TRIM14: variants seen among roughly 807,000 people sequenced by gnomAD.
TRIM14 encodes tripartite motif containing 14.
In TRIM14, 28 loss-of-function variants were observed where a neutral mutation model predicts 44.5. That is an observed-to-expected ratio of 0.63 (90% CI 0.47 to 0.86). TRIM14 has a LOEUF of 0.86. Among genes scored for constraint, TRIM14 ranks in the 40% least tolerant of loss-of-function variants. The pLI, the probability that TRIM14 is intolerant of heterozygous loss-of-function variation, is 0.00. For missense variants in TRIM14, 607 were observed against 611.1 expected (o/e 0.99, Z 0.07); for synonymous variants, 299 against 269.2 (o/e 1.11, Z -1.08).
In TRIM14 at chr9:98,084,399, T is replaced by G. The variant is rs1208525570; in HGVS notation, c.*3071A>C. On this transcript the variant is annotated 3_prime_UTR_variant, in exon 6 of 6. Coordinates refer to ENST00000341469, the MANE Select transcript of TRIM14 (RefSeq NM_014788.4). ...TTTTATTAAACCAAATATTAGAAAA[T>G]TGCTGTCATTTAAAAATATCTGCAA... 2.0e-5 allele frequency: 3 copies of G among 152,134 alleles called. No homozygotes were observed. The highest frequency in any genetic ancestry group is 4.4e-5 in the Non-Finnish European group (3 of 68,026). The allele number at this position is 152,134 out of a possible 1,614,324, so 9.4% of individuals were successfully genotyped here. A position where few individuals can be genotyped will look rare whatever the true frequency, so the allele number is the denominator to read the frequency against.
rs186152642 is a variant in TRIM14 at position 98,105,243 on chromosome 9, G to T, written c.303+4646C>A. On this transcript the variant is annotated intron_variant, in intron 2 of 5. Transcript: ENST00000341469. Reference sequence around the variant, plus strand: ...TGAGGCTCCTTATTCCACCCGCAGGGGTTCTGGGTCTGGTGCCAGGCTGGG... The same window carrying T: ...TGAGGCTCCTTATTCCACCCGCAGGTGTTCTGGGTCTGGTGCCAGGCTGGG... Among the ~76,000 whole-genome samples the T allele has an allele frequency of 3.9e-5, 6 of 152,330 alleles. No homozygotes were observed. The East Asian group carries it at 5.8e-4, about 15-fold the overall frequency.
chr9:98,078,705 C>T (rs1321719087), intron 6 of TRIM14, among the ~76,000 whole-genome samples: 1 of 151,756 alleles, frequency 6.6e-6, no homozygotes, highest in Non-Finnish European at 1.5e-5. Context: ...CATGGTGATG[C>T]GTGCCTGTGG....
chr9:98,110,004 G>A lies in TRIM14; in HGVS notation c.208-20C>T, dbSNP rs770300515. On this transcript the variant is annotated intron_variant, in intron 1 of 5. Coordinates refer to ENST00000341469, the MANE Select transcript of TRIM14 (RefSeq NM_014788.4). ...GAGTTTCTGTACAGGAGGGAGTTAG[G>A]AAAAAAGTCGTAATACTGTCACTTT... The A allele has an allele frequency of 6.3e-7, 1 of 1,590,558 alleles. No homozygotes were observed. The highest frequency in any genetic ancestry group is 1.7e-5 in the Admixed American group (1 of 59,450).
intron 2 of TRIM14, among the ~76,000 whole-genome samples, chr9:98,105,803 G>C (rs1484004653): frequency 6.6e-6 from 1 of 152,112 alleles, no homozygotes; most frequent in East Asian, 1.9e-4. Flanking sequence ...GTGGAAAGGA[G>C]TGACCTGCAT....
chr9:98,078,035 A>C, intron 6 of TRIM14: 2 of 1,100,232 alleles, frequency 1.8e-6, no homozygotes, highest in South Asian at 3.4e-5. Context: ...GCAGGAACCC[A>C]ACAAGCTCCT....
intron 6 of TRIM14, chr9:98,077,981 ACT>A (rs1197535807): frequency 5.0e-6 from 3 of 602,184 alleles, no homozygotes; most frequent in Non-Finnish European, 8.6e-6. Context: ...GCTCAAGAAC[ACT>A]GTCGGGGGGC....
the TRIM14 span, among the ~76,000 whole-genome samples, chr9:98,041,493 A>G: frequency 7.2e-6 from 1 of 138,660 alleles, no homozygotes; most frequent in Non-Finnish European, 1.6e-5. Flanking sequence ...CAATAAGGAC[A>G]TCTTTTTTTT....
chr9:98,115,936 T>G (rs1587980164), intron 1 of TRIM14: 1 of 151,784 alleles, frequency 6.6e-6, no homozygotes, highest in Admixed American at 6.6e-5. Context: ...GAGGCTGAGG[T>G]AGGTGGATCA....
At chr9:98,041,646 C>T in the TRIM14 span, among the ~76,000 whole-genome samples, 1 of 151,868 alleles carries the variant, frequency 6.6e-6, no homozygotes, top group African/African-American at 2.4e-5. Context: ...CATGTGCCAC[C>T]ACGCCAGGCT....
At chr9:98,110,204 A>T (rs998716116) in intron 1 of TRIM14, 1 of 538,832 alleles carries the variant, frequency 1.9e-6, no homozygotes, top group Non-Finnish European at 3.3e-6. Flanking sequence ...TCTAATCTTG[A>T]TTTGCACCCC....
rs1260026798 is a variant in TRIM14, at chr9:98,099,987, G to A, written c.481C>T (p.Leu161Phe). 6.2e-7 allele frequency: 1 copy of A among 1,614,156 alleles called. No homozygotes were observed. Among genetic ancestry groups the A allele is most frequent in the African/African-American group, 1.3e-5 (1 of 75,040 alleles). The change falls in exon 3 of 6, where the codon CTC (leucine) becomes TTC (phenylalanine). Residue 161 changes from leucine (L) to phenylalanine (F), a missense_variant. Coordinates refer to ENST00000341469, the MANE Select transcript of TRIM14 (RefSeq NM_014788.4). ...CREQLDIMND[L>F]SNRVWSISQE... Reference sequence around the variant, plus strand: ...CTGATACTCCAGACCCTGTTGGAGAGATCATTCATGATGTCAAGTTGCTCT... The same window carrying A: ...CTGATACTCCAGACCCTGTTGGAGAAATCATTCATGATGTCAAGTTGCTCT...
At chr9:98,044,764 A>T in the TRIM14 span, among the ~76,000 whole-genome samples, 1 of 152,284 alleles carries the variant, frequency 6.6e-6, no homozygotes, top group South Asian at 2.1e-4. Context: ...ATGTACACAG[A>T]CAAGCCAAAT....
At chr9:98,069,017 A>T (rs1014128232), downstream of TRIM14, among the ~76,000 whole-genome samples, 1 of 152,190 alleles carries the variant, frequency 6.6e-6, no homozygotes, top group African/African-American at 2.4e-5. Flanking sequence ...CAACCACTTA[A>T]CATAGACTGG....
chr9:98,089,384 C>A (rs1825920020), intron 5 of TRIM14, among the ~76,000 whole-genome samples: 1 of 152,136 alleles, frequency 6.6e-6, no homozygotes, highest in Non-Finnish European at 1.5e-5. Context: ...ATCATGTTGG[C>A]CAGGCTGGTC....
At chr9:98,081,064 G>GATGGCCTGCAATGAGAAGGT, downstream of TRIM14, 14 of 1,614,158 alleles carry the variant, frequency 8.7e-6, no homozygotes, top group Non-Finnish European at 1.2e-5. Context: ...TGCCCTGTGA[G>GATGGCCTGCAATGAGAAGGT]ATGGCCTGCA....
At chr9:98,080,687 T>A, downstream of TRIM14, 1 of 1,006,084 alleles carries the variant, frequency 9.9e-7, no homozygotes, top group South Asian at 1.7e-5. Context: ...TCAGAGAGCC[T>A]CAGTATCTTG....
intron 2 of TRIM14, among the ~76,000 whole-genome samples, chr9:98,100,910 AAC>A (rs1328739147): frequency 6.6e-6 from 1 of 152,186 alleles, no homozygotes. Flanking sequence ...GTTAAACTAA[AAC>A]ACTGTACATA....
rs143911839 is a variant in TRIM14 at position 98,078,198 on chromosome 9, C to T, written c.*29-8511G>A. 27 of 1,614,002 alleles carry T rather than the reference C, an allele frequency of 1.7e-5. 1 individual carries two copies. Among genetic ancestry groups the T allele is most frequent in the South Asian group, 4.4e-5 (4 of 91,088 alleles). ...GTTGGTGCTGGATTACTCAGGTCGC[C>T]CAATGGTGATCTCCAGTGGGATGCA... On this transcript the variant is annotated intron_variant, in intron 6 of 6. Transcript: ENST00000375098.
At chr9:98,042,004 A>AT in the TRIM14 span, among the ~76,000 whole-genome samples, 7 of 151,498 alleles carry the variant, frequency 4.6e-5, no homozygotes, top group Non-Finnish European at 1.0e-4. Flanking sequence ...TTTAAAAAAA[A>AT]GTTTTCCTGG....
Sources: allele counts gnomAD v4.1 joint callset (sites outside exome capture counted in the v4.1 genomes callset), GRCh38; gene constraint gnomAD v4.1.1; transcripts MANE v1.5; gene names NCBI Gene and HGNC (gene_info 2026-07-23, HGNC 2026-07-21).